The following ADAM22 variants were observed in gnomAD, a reference collection of about 807,000 sequenced individuals.
The protein encoded by ADAM22 is disintegrin and metalloproteinase domain-containing protein 22.
A neutral mutation model predicts 144.6 loss-of-function variants in ADAM22; 65 were observed. The observed-to-expected ratio is 0.45, with a 90% CI of 0.37 to 0.55. The LOEUF (loss-of-function observed/expected upper bound fraction) is 0.55. ADAM22 is among the 20% of genes least tolerant of loss of function. The pLI, the probability that ADAM22 is intolerant of heterozygous loss-of-function variation, is 0.00. For missense variants in ADAM22, 974 were observed against 1,184.9 expected (o/e 0.82, Z 2.61); for synonymous variants, 391 against 412.6 (o/e 0.95, Z 0.63).
chr7:87,937,632 A>G (rs145501312), intron 2 of ADAM22, among the ~76,000 whole-genome samples: 84 of 152,270 alleles, frequency 5.5e-4, no homozygotes, highest in African/African-American at 1.9e-3. Flanking sequence ...ATGGAGCACC[A>G]CTTGTGCAGT....
chr7:88,097,524 A>G (rs1821709650), intron 4 of ADAM22, among the ~76,000 whole-genome samples: 1 of 151,998 alleles, frequency 6.6e-6, no homozygotes, highest in African/African-American at 2.4e-5. Flanking sequence ...GATAGAATTG[A>G]AGTGAAACTA....
chr7:88,164,517 G>A (rs143676291), intron 23 of ADAM22, among the ~76,000 whole-genome samples: 3 of 151,916 alleles, frequency 2.0e-5, no homozygotes, highest in South Asian at 2.1e-4. Flanking sequence ...TATTATTTTT[G>A]TACTATATAT....
intron 2 of ADAM22, among the ~76,000 whole-genome samples, chr7:87,959,832 A>G (rs902059777): frequency 1.3e-5 from 2 of 152,242 alleles, no homozygotes; most frequent in Non-Finnish European, 2.9e-5. Context: ...TTTTAAAACA[A>G]TAGCTTTATT....
chr7:88,142,948 T>G, intron 14 of ADAM22, 78 bp from the exon 15 acceptor site: 1 of 850,626 alleles, frequency 1.2e-6, no homozygotes, highest in South Asian at 1.6e-5. Context: ...ATATACAATT[T>G]TAAGTCTTCA....
chr7:88,061,599 T>C (rs748102610), intron 3 of ADAM22, among the ~76,000 whole-genome samples: 1 of 152,156 alleles, frequency 6.6e-6, no homozygotes, highest in Non-Finnish European at 1.5e-5. Flanking sequence ...AAGAAATATT[T>C]TTTTCCTGAG....
Position 88,145,136 on chromosome 7 carries a change from T to C in ADAM22, c.1332T>C (p.Pro444=). 6.2e-7 allele frequency: 1 copy of C among 1,613,898 alleles called. No homozygotes were observed. The highest frequency in any genetic ancestry group is 8.5e-7 in the Non-Finnish European group (1 of 1,179,886). ...GGTTTTCCTCACAGCTTCTTGATCC[T>C]CCTGAGTGTGGCAATGGCTTCATTG... ...LFNKPSKLLD[P]PECGNGFIET... The change falls in exon 16 of 32, where the codon CCT becomes CCC. Residue 444 remains proline (P), a synonymous_variant. Transcript: ENST00000413139.
chr7:87,952,846 C>A (rs998517169), intron 2 of ADAM22, among the ~76,000 whole-genome samples: 26 of 152,110 alleles, frequency 1.7e-4, no homozygotes, highest in Admixed American at 1.5e-3. Flanking sequence ...TTCAGAGATT[C>A]AACTTCTTCC....
chr7:88,096,109 G>A (rs1405112053), intron 4 of ADAM22, among the ~76,000 whole-genome samples: 1 of 152,062 alleles, frequency 6.6e-6, no homozygotes, highest in South Asian at 2.1e-4. Context: ...TTTTAGTAGA[G>A]ACCAGGTCTC....
At position 87,961,137 on chromosome 7, in the gene ADAM22, G is replaced by C. The variant is rs545310390; in HGVS notation, c.247-17199G>C. On this transcript the variant is annotated intron_variant, in intron 2 of 31. Transcript: ENST00000413139. ...GTTGTAATTTCTAGTAGGGTAGTCC[G>C]TTAGGCCTCAGAGAAATGACATTAG... Among the ~76,000 whole-genome samples, 13 of 152,254 alleles carry C rather than the reference G, an allele frequency of 8.5e-5. No individual in the cohort carries two copies. The South Asian group carries it at 2.7e-3, about 32-fold the overall frequency.
intron 2 of ADAM22, among the ~76,000 whole-genome samples, chr7:87,976,131 A>G (rs548990630): frequency 6.6e-6 from 1 of 152,316 alleles, no homozygotes; most frequent in South Asian, 2.1e-4. Flanking sequence ...GGTGCTGGTC[A>G]AGTACTGAGG....
intron 30 of ADAM22, among the ~76,000 whole-genome samples, chr7:88,189,005 A>G (rs1042947688): frequency 6.6e-6 from 1 of 152,206 alleles, no homozygotes; most frequent in African/African-American, 2.4e-5. Flanking sequence ...ATCCTTATCA[A>G]AATGCAATCT....
At position 88,130,314 on chromosome 7, in the gene ADAM22, C is replaced by T. The variant is rs116371540; in HGVS notation, c.754-74C>T. On this transcript the variant is annotated intron_variant, in intron 9 of 31. Coordinates refer to ENST00000413139, the MANE Select transcript of ADAM22 (RefSeq NM_001324418.2). ...CATTTTTAGGGATCTTTCAATTGCA[C>T]CATGTTTTCTCTGATGAGATGATTG... The T allele has an allele frequency of 7.4e-4, 850 of 1,154,570 alleles. 8 individuals carry two copies. In the African/African-American group the frequency reaches 0.012, roughly 16 times the overall value. The allele number at this position is 1,154,570 out of a possible 1,614,324, so 71.5% of individuals were successfully genotyped here.
At chr7:88,192,645 G>A (rs890885657) in intron 30 of ADAM22, among the ~76,000 whole-genome samples, 1 of 152,160 alleles carries the variant, frequency 6.6e-6, no homozygotes, top group African/African-American at 2.4e-5. Context: ...TGTGTAAACT[G>A]GTGTGTGATT....
chr7:88,111,907 G>A (rs1826151217), intron 5 of ADAM22, among the ~76,000 whole-genome samples: 1 of 152,132 alleles, frequency 6.6e-6, no homozygotes, highest in Admixed American at 6.5e-5. Context: ...CCTACATGAT[G>A]TTTAAGTCCA....
intron 13 of ADAM22, among the ~76,000 whole-genome samples, chr7:88,135,375 T>C (rs945726888): frequency 3.4e-5 from 5 of 149,078 alleles, no homozygotes; most frequent in African/African-American, 9.8e-5. Context: ...ATTTAGATAC[T>C]CATTTAATTC....
Position 88,066,653 on chromosome 7 carries a change from A to G in ADAM22, c.324-8973A>G, listed in dbSNP as rs79841745. Among the ~76,000 whole-genome samples the G allele has an allele frequency of 2.6e-4, 40 of 152,268 alleles. 1 individual carries two copies. In the East Asian group the frequency reaches 7.7e-3, roughly 29 times the overall value. On this transcript the variant is annotated intron_variant, in intron 3 of 31. Transcript: ENST00000413139. Reference sequence around the variant, plus strand: ...TGAAATCACCGAGGAAGAGAGTGTCAAAAGAAAAGAGGAGGATCAAGTACT... The same window carrying G: ...TGAAATCACCGAGGAAGAGAGTGTCGAAAGAAAAGAGGAGGATCAAGTACT...
intron 3 of ADAM22, among the ~76,000 whole-genome samples, chr7:87,998,928 A>T (rs1250948758): frequency 1.3e-5 from 2 of 152,164 alleles, no homozygotes; most frequent in Non-Finnish European, 2.9e-5. Context: ...GTTATCCTTC[A>T]TTCTGCTGGG....
At chr7:87,975,492 C>G (rs991509125) in intron 2 of ADAM22, among the ~76,000 whole-genome samples, 1 of 152,126 alleles carries the variant, frequency 6.6e-6, no homozygotes, top group Non-Finnish European at 1.5e-5. Flanking sequence ...TAACATACTC[C>G]TGTTCCTATT....
At chr7:88,180,405 T>C (rs913972919) in intron 27 of ADAM22, among the ~76,000 whole-genome samples, 1 of 152,086 alleles carries the variant, frequency 6.6e-6, no homozygotes, top group Non-Finnish European at 1.5e-5. Context: ...TGTTCTTTTG[T>C]ACAAAATATG....
Sources: allele counts gnomAD v4.1 joint callset (sites outside exome capture counted in the v4.1 genomes callset), GRCh38; gene constraint gnomAD v4.1.1; transcripts MANE v1.5; gene names NCBI Gene and HGNC (gene_info 2026-07-23, HGNC 2026-07-21).